KLF8: variants seen among roughly 807,000 people sequenced by gnomAD.
The protein encoded by KLF8 is KLF transcription factor 8.
KLF8 carries 10 observed loss-of-function variants against 18.2 expected under a neutral mutation model. That is an observed-to-expected ratio of 0.55 (90% confidence interval 0.34 to 0.93). The LOEUF is 0.93. KLF8 is among the 40% of genes least tolerant of loss of function. KLF8 has a pLI of 0.02. For missense variants in KLF8, 264 were observed against 277.9 expected, an observed-to-expected ratio of 0.95 and a Z score of 0.36; for synonymous variants, 109 against 97.3, an observed-to-expected ratio of 1.12 and a Z score of -0.71.
the KLF8 span, among the ~76,000 whole-genome samples, chrX:56,214,406 A>T: frequency 3.6e-5 from 4 of 112,124 alleles, no homozygotes; most frequent in Non-Finnish European, 5.6e-5. Flanking sequence ...TAATGTTATG[A>T]ACTGATTTGT....
chrX:56,093,585 G>A, the KLF8 span, among the ~76,000 whole-genome samples: 1 of 109,691 alleles, frequency 9.1e-6, no homozygotes, highest in South Asian at 3.9e-4. Context: ...AAATGATATA[G>A]GTCAGAAGCT....
At chrX:56,088,764 G>A in the KLF8 span, among the ~76,000 whole-genome samples, 1 of 111,171 alleles carries the variant, frequency 9.0e-6, no homozygotes, top group Non-Finnish European at 1.9e-5. Context: ...ACTGGGCCAT[G>A]TTATGGGTCC....
At chrX:55,933,657 A>T in the KLF8 span, among the ~76,000 whole-genome samples, 2 of 112,047 alleles carry the variant, frequency 1.8e-5, no homozygotes, top group African/African-American at 6.5e-5. Flanking sequence ...ATTTTTATAC[A>T]GTACAGTTTT....
At chrX:55,937,988 G>A in the KLF8 span, among the ~76,000 whole-genome samples, 387 of 111,314 alleles carry the variant, frequency 3.5e-3, no homozygotes, top group African/African-American at 0.012. Flanking sequence ...AATCTAGCAA[G>A]GCAGGCCAAC....
chrX:56,202,559 T>TCCCCCCCCCCCCCCCCCCCCCC, the KLF8 span, among the ~76,000 whole-genome samples: 2 of 75,805 alleles, frequency 2.6e-5, no homozygotes, highest in Non-Finnish European at 5.3e-5. Flanking sequence ...CCATTAACCT[T>TCCCCCCCCCCCCCCCCCCCCCC]CCCCCCCCCT....
the KLF8 span, among the ~76,000 whole-genome samples, chrX:55,951,599 G>A: frequency 9.0e-6 from 1 of 110,533 alleles, no homozygotes; most frequent in Non-Finnish European, 1.9e-5. Flanking sequence ...ATTCTGACTG[G>A]GAGAATTATT....
chrX:55,915,839 T>C, the KLF8 span, among the ~76,000 whole-genome samples: 1 of 112,040 alleles, frequency 8.9e-6, no homozygotes, highest in Non-Finnish European at 1.9e-5. Context: ...GCAATGTGAC[T>C]GGATCTTAGG....
the KLF8 span, among the ~76,000 whole-genome samples, chrX:56,083,034 A>G: frequency 1.8e-5 from 2 of 111,413 alleles, no homozygotes; most frequent in African/African-American, 6.5e-5. Context: ...ACTTATATCT[A>G]GTTAATTAAG....
the KLF8 span, among the ~76,000 whole-genome samples, chrX:55,976,873 A>T: frequency 9.0e-6 from 1 of 111,651 alleles, no homozygotes; most frequent in Admixed American, 9.5e-5. Context: ...ATTCCTAAAG[A>T]ATTTATACTT....
At chrX:56,115,389 G>A in the KLF8 span, among the ~76,000 whole-genome samples, 1 of 111,955 alleles carries the variant, frequency 8.9e-6, no homozygotes, top group South Asian at 3.7e-4. Context: ...TCTCAAAATG[G>A]AAGCCAACAC....
At chrX:55,968,706 A>T in the KLF8 span, among the ~76,000 whole-genome samples, 1 of 111,858 alleles carries the variant, frequency 8.9e-6, no homozygotes, top group African/African-American at 3.2e-5. Flanking sequence ...GCCTGCTGTG[A>T]TGTAAGATGT....
chrX:56,191,118 A>C, the KLF8 span, among the ~76,000 whole-genome samples: 2 of 111,930 alleles, frequency 1.8e-5, no homozygotes, highest in African/African-American at 6.5e-5. Flanking sequence ...CAGAGATGAA[A>C]AAGGAGATGT....
At chrX:56,063,215 G>A in the KLF8 span, among the ~76,000 whole-genome samples, 1 of 111,264 alleles carries the variant, frequency 9.0e-6, no homozygotes, top group Non-Finnish European at 1.9e-5. Context: ...TTGCTGGTGA[G>A]GATTTTGGAT....
the KLF8 span, among the ~76,000 whole-genome samples, chrX:55,981,987 G>T: frequency 9.0e-6 from 1 of 110,551 alleles, no homozygotes; most frequent in Non-Finnish European, 1.9e-5. Context: ...TTGTTATTTT[G>T]GTGGGACTTG....
At chrX:56,080,354 A>C in the KLF8 span, among the ~76,000 whole-genome samples, 1 of 109,730 alleles carries the variant, frequency 9.1e-6, no homozygotes, top group African/African-American at 3.3e-5. Context: ...GTGGTGACAA[A>C]ATCTCTCAGC....
the KLF8 span, among the ~76,000 whole-genome samples, chrX:55,980,439 ATTTAATTT>A: frequency 3.6e-5 from 4 of 111,508 alleles, no homozygotes; most frequent in Non-Finnish European, 7.5e-5. Flanking sequence ...AGAACAATTA[ATTTAATTT>A]GGGTCATGTT....
the KLF8 span, among the ~76,000 whole-genome samples, chrX:56,107,183 A>C: frequency 8.9e-6 from 1 of 112,117 alleles, no homozygotes; most frequent in South Asian, 3.7e-4. Context: ...TCGGGGACCC[A>C]CTGGAGTAGG....
the KLF8 span, among the ~76,000 whole-genome samples, chrX:56,051,557 G>A: frequency 2.0e-3 from 226 of 110,586 alleles, no homozygotes; most frequent in Non-Finnish European, 2.9e-3. Flanking sequence ...TGAAATTCTG[G>A]GTTGAAAATT....
chrX:56,195,297 G>A, the KLF8 span, among the ~76,000 whole-genome samples: 307 of 111,800 alleles, frequency 2.7e-3, no homozygotes, highest in Non-Finnish European at 4.6e-3. Flanking sequence ...AACTAAAAGT[G>A]GATGTTCAAA....
Sources: allele counts gnomAD v4.1 joint callset (sites outside exome capture counted in the v4.1 genomes callset), GRCh38; gene constraint gnomAD v4.1.1; transcripts MANE v1.5; gene names NCBI Gene and HGNC (gene_info 2026-07-23, HGNC 2026-07-21).